TXNRD3: variants seen among roughly 807,000 people sequenced by gnomAD.
TXNRD3 encodes the protein thioredoxin reductase 3, also known as TXNRD3 neighbor gene protein.
TXNRD3 carries 68 observed loss-of-function variants against 78.2 expected under a neutral mutation model. That is an observed-to-expected ratio of 0.87 (90% confidence interval 0.72 to 1.06). The LOEUF (loss-of-function observed/expected upper bound fraction) is 1.06. Among genes scored for constraint, TXNRD3 ranks in the 50% least tolerant of loss-of-function variants. The probability of loss-of-function intolerance (pLI) is 0.00; values close to 1 mark genes in which losing one functional copy is unlikely to be tolerated. For synonymous variants in TXNRD3, 296 were observed against 300.1 expected, an observed-to-expected ratio of 0.99 and a Z score of 0.14; for missense variants, 751 against 809.5, an observed-to-expected ratio of 0.93 and a Z score of 0.88.
Position 126,607,234 on chromosome 3 carries a change from C to G in TXNRD3, c.*671G>C, listed in dbSNP as rs908393794. 6.6e-6 allele frequency: 1 copy of G among 152,078 alleles called. No individual in the cohort carries two copies. Among genetic ancestry groups the G allele is most frequent in the Admixed American group, 6.6e-5 (1 of 15,264 alleles). The allele number at this position is 152,078 out of a possible 1,614,324, so 9.4% of individuals were successfully genotyped here. A position where few individuals can be genotyped will look rare whatever the true frequency, so the allele number is the denominator to read the frequency against. On this transcript the variant is annotated 3_prime_UTR_variant, in exon 16 of 16. Coordinates refer to ENST00000524230, the MANE Select transcript of TXNRD3 (RefSeq NM_052883.3). ...TTACATGAGATATTTTGCTCAGTCT[C>G]GAGATATTAATTAGGGGAGAATAGC... is the stretch of plus-strand genomic sequence containing the variant.
At chr3:126,640,591 C>A (rs1933050670) in intron 6 of TXNRD3, among the ~76,000 whole-genome samples, 1 of 152,152 alleles carries the variant, frequency 6.6e-6, no homozygotes, top group African/African-American at 2.4e-5. Context: ...CTGCCCACAT[C>A]TACCAGATCA....
In TXNRD3 at chr3:126,607,950, T is replaced by G. The variant is rs773442522; in HGVS notation, c.1887A>C (p.Thr629=). 6.6e-7 allele frequency: 1 copy of G among 1,505,908 alleles called. No individual in the cohort carries two copies. Among genetic ancestry groups the G allele is most frequent in the Non-Finnish European group, 8.9e-7 (1 of 1,124,562 alleles). The allele number at this position is 1,505,908 out of a possible 1,614,324, so 93.3% of individuals were successfully genotyped here. A position where few individuals can be genotyped will look rare whatever the true frequency, so the allele number is the denominator to read the frequency against. The change falls in exon 16 of 16, where the codon ACA becomes ACC. Residue 629 remains threonine (T), a synonymous_variant. Coordinates refer to ENST00000524230, the MANE Select transcript of TXNRD3 (RefSeq NM_052883.3). ...GAGTGATGTCTAGTCCTGACGACTT[T>G]GTGATTTCCAAAGTCGTGAACACCT...
intron 1 of TXNRD3, among the ~76,000 whole-genome samples, chr3:126,650,412 C>T (rs1051405983): frequency 6.6e-6 from 1 of 152,046 alleles, no homozygotes; most frequent in African/African-American, 2.4e-5. Flanking sequence ...GGAGGCCAGG[C>T]GGTGGATCAC....
At chr3:126,649,025 A>G (rs192693410) in intron 1 of TXNRD3, among the ~76,000 whole-genome samples, 1 of 152,310 alleles carries the variant, frequency 6.6e-6, no homozygotes, top group East Asian at 1.9e-4. Flanking sequence ...TTAAAAAGAA[A>G]AGAGGACATT....
chr3:126,627,741 T>G (rs1879428), intron 10 of TXNRD3, among the ~76,000 whole-genome samples: 89,235 of 151,944 alleles, frequency 0.59, 26,784 homozygotes, highest in Non-Finnish European at 0.65. Flanking sequence ...TATATCTCCA[T>G]AGAAAATTAT....
intron 2 of TXNRD3, 46 bp downstream of exon 2, chr3:126,647,190 C>T (rs546771722): frequency 2.9e-6 from 4 of 1,383,276 alleles, no homozygotes; most frequent in Non-Finnish European, 3.9e-6. Flanking sequence ...GTCAATCTCG[C>T]TGGCATTTAT....
chr3:126,626,714 AAACT>A, intron 10 of TXNRD3, among the ~76,000 whole-genome samples: 1 of 152,212 alleles, frequency 6.6e-6, no homozygotes, highest in South Asian at 2.1e-4. Context: ...AATCATTGGG[AAACT>A]GTTTGGTAGT....
At chr3:126,643,765 T>C (rs1481341281) in intron 5 of TXNRD3, among the ~76,000 whole-genome samples, 1 of 152,168 alleles carries the variant, frequency 6.6e-6, no homozygotes, top group Non-Finnish European at 1.5e-5. Context: ...AGACAAGGTC[T>C]CACTATATTT....
At chr3:126,653,708 T>C (rs2107632177) in intron 1 of TXNRD3, among the ~76,000 whole-genome samples, 1 of 152,364 alleles carries the variant, frequency 6.6e-6, no homozygotes, top group South Asian at 2.1e-4. Flanking sequence ...ATACCTATTC[T>C]AGAGTTAAGT....
At position 126,611,024 on chromosome 3, in the gene TXNRD3, T is replaced by C; in HGVS notation, c.1728+13A>G. Reference sequence around the variant, plus strand: ...AAAATCACAGCATTTTGGCTTCTAGTGGTATTACATACATGGTCGAATTTA... The same window carrying C: ...AAAATCACAGCATTTTGGCTTCTAGCGGTATTACATACATGGTCGAATTTA... On this transcript the variant is annotated intron_variant, in intron 14 of 15. Transcript: ENST00000524230. 2 of 1,385,910 alleles carry C rather than the reference T, an allele frequency of 1.4e-6. No homozygotes were observed. The highest frequency in any genetic ancestry group is 5.2e-5 in the Admixed American group (2 of 38,244). The allele number at this position is 1,385,910 out of a possible 1,614,324, so 85.9% of individuals were successfully genotyped here. A position where few individuals can be genotyped will look rare whatever the true frequency, so the allele number is the denominator to read the frequency against.
Position 126,622,483 on chromosome 3 carries a change from C to G in TXNRD3, c.1348G>C (p.Gly450Arg). ...ACTTACTTCTCATTAATTTTGACAC[C>G]AATCTTCTCCAAGCCTATTTTCCTT... The change falls in exon 11 of 16, where the codon GGT becomes CGT. Residue 450 changes from glycine to arginine, a missense_variant. Coordinates refer to ENST00000524230, the MANE Select transcript of TXNRD3 (RefSeq NM_052883.3). 1.3e-6 allele frequency: 2 copies of G among 1,535,434 alleles called. No homozygotes were observed. The highest frequency in any genetic ancestry group is 1.7e-6 in the Non-Finnish European group (2 of 1,146,672).
rs979346403 is a variant in TXNRD3 at position 126,644,349 on chromosome 3, T to C, written c.467A>G (p.Asp156Gly). 7.8e-6 allele frequency: 12 copies of C among 1,536,454 alleles called. No individual in the cohort carries two copies. The highest frequency in any genetic ancestry group is 2.4e-5 in the East Asian group (1 of 40,906). ...ACCACCGATGATGATGAGATCATAA[T>C]CATATGCCAAATCTTCCTGAAGGAG... The change falls in exon 4 of 16, where the codon GAT becomes GGT. Residue 156 changes from aspartate (D) to glycine (G), a missense_variant. By Grantham distance (94) the Asp-to-Gly change is moderately conservative. Transcript: ENST00000524230.
chr3:126,625,410 GTT>G (rs1439677937), intron 10 of TXNRD3, among the ~76,000 whole-genome samples: 2 of 149,336 alleles, frequency 1.3e-5, no homozygotes, highest in Non-Finnish European at 3.0e-5. Context: ...GTAGTGTTTG[GTT>G]TTTTGTCCTT....
At chr3:126,648,137 G>T (rs1176235579) in intron 1 of TXNRD3, among the ~76,000 whole-genome samples, 1 of 152,056 alleles carries the variant, frequency 6.6e-6, no homozygotes, top group Non-Finnish European at 1.5e-5. Flanking sequence ...GCAACAAGAA[G>T]AACTAAATAC....
intron 14 of TXNRD3, among the ~76,000 whole-genome samples, chr3:126,610,256 C>G (rs1938167581): frequency 6.6e-6 from 1 of 152,182 alleles, no homozygotes; most frequent in African/African-American, 2.4e-5. Flanking sequence ...GTTCAGTAAA[C>G]TTTTATGTAG....
At chr3:126,609,791 A>T (rs1046906969) in intron 14 of TXNRD3, among the ~76,000 whole-genome samples, 10 of 152,156 alleles carry the variant, frequency 6.6e-5, no homozygotes, top group African/African-American at 1.9e-4. Flanking sequence ...CACCCTCATG[A>T]GGAGGTCAGA....
Position 126,617,197 on chromosome 3 carries a change from A to G in TXNRD3, c.1525-1735T>C, listed in dbSNP as rs149747534. ...CCTTCACCTGGACTTGACTCATGCT[A>G]TCCTTCTTATAGGCTTCTTTCCGTC... On this transcript the variant is annotated intron_variant, in intron 12 of 15. Transcript: ENST00000524230. Among the ~76,000 whole-genome samples, 9 of 152,154 alleles carry G rather than the reference A, an allele frequency of 5.9e-5. No homozygotes were observed. In the East Asian group the frequency reaches 1.7e-3, roughly 29 times the overall value.
intron 1 of TXNRD3, among the ~76,000 whole-genome samples, chr3:126,653,533 G>A (rs961908465): frequency 2.0e-5 from 3 of 152,192 alleles, no homozygotes. Context: ...CTGCCAGAAT[G>A]GCAAAAATTA....
chr3:126,630,698 C>T lies in TXNRD3; in HGVS notation c.1197+14G>A, dbSNP rs963887516. ...AGTTAGAGAAAAAAAATTGCAAATG[C>T]CATGCAGCCTTACCATCACAGGTAT... On this transcript the variant is annotated intron_variant, in intron 9 of 15. Coordinates refer to ENST00000524230, the MANE Select transcript of TXNRD3 (RefSeq NM_052883.3). The T allele has an allele frequency of 2.0e-6, 3 of 1,532,994 alleles. No individual in the cohort carries two copies. The highest frequency in any genetic ancestry group is 2.7e-5 in the African/African-American group (2 of 72,904). 95.0% of individuals were successfully genotyped at this position (1,532,994 alleles called of 1,614,324 possible).
Sources: allele counts gnomAD v4.1 joint callset (sites outside exome capture counted in the v4.1 genomes callset), GRCh38; gene constraint gnomAD v4.1.1; transcripts MANE v1.5; gene names NCBI Gene and HGNC (gene_info 2026-07-23, HGNC 2026-07-21).